Variants in CDH18 observed in about 807,000 individuals in gnomAD.
The protein encoded by CDH18 is cadherin 18, also known as cadherin-18.
CDH18 carries 31 observed loss-of-function variants against 67.9 expected under a neutral mutation model. The observed-to-expected ratio is 0.46, with a 90% CI of 0.34 to 0.62. CDH18 has a LOEUF of 0.62. Ranked by LOEUF, CDH18 falls within the 20% of genes least tolerant of loss-of-function variation. CDH18 has a pLI of 0.01. For missense variants in CDH18, 890 were observed against 975.5 expected (o/e 0.91, Z 1.17); for synonymous variants, 362 against 347.2 (o/e 1.04, Z -0.48).
chr5:19,486,428 G>A (rs187692123), intron 11 of CDH18, among the ~76,000 whole-genome samples: 9 of 151,704 alleles, frequency 5.9e-5, no homozygotes, highest in Non-Finnish European at 1.2e-4. Flanking sequence ...AATAAAATAC[G>A]TCTTGCTGAA....
chr5:20,278,089 G>T (rs1745942269), intron 1 of CDH18, among the ~76,000 whole-genome samples: 1 of 152,030 alleles, frequency 6.6e-6, no homozygotes. Flanking sequence ...GAGAGCCTGG[G>T]TAGAAAGTTT....
At chr5:20,025,604 T>G (rs917459461) in intron 2 of CDH18, among the ~76,000 whole-genome samples, 3 of 152,240 alleles carry the variant, frequency 2.0e-5, no homozygotes, top group Non-Finnish European at 4.4e-5. Flanking sequence ...TTTATTTTTG[T>G]CTTTGGCCAA....
intron 2 of CDH18, among the ~76,000 whole-genome samples, chr5:20,114,807 A>G (rs1199506362): frequency 1.3e-5 from 2 of 152,032 alleles, no homozygotes. Context: ...CCCTCTCTCT[A>G]TATGTGGAGA....
In CDH18 at chr5:20,455,316, T is replaced by C. The variant is rs568222622; in HGVS notation, c.-580+120146A>G. ...GAAAGGGCATGTTCAGATTTATAAT[T>C]TGGAACCATCACTTTGCCCTCAATA... On this transcript the variant is annotated intron_variant, in intron 1 of 14. Coordinates refer to the CDH18 transcript ENST00000507958. Among the ~76,000 whole-genome samples the C allele has an allele frequency of 6.6e-5, 10 of 152,050 alleles. No homozygotes were observed. The South Asian group carries it at 1.5e-3, about 22-fold the overall frequency.
intron 10 of CDH18, among the ~76,000 whole-genome samples, chr5:19,517,318 G>A (rs1170996297): frequency 6.6e-6 from 1 of 151,930 alleles, no homozygotes; most frequent in African/African-American, 2.4e-5. Flanking sequence ...TTTTCAAATT[G>A]GATTTTATCT....
At position 19,755,427 on chromosome 5, in the gene CDH18, G is replaced by GTATACATATATATATA. The variant is rs1373982305; in HGVS notation, c.229-8192_229-8191insTATATATATATGTATA. 2.7e-3 allele frequency among the ~76,000 whole-genome samples: 122 copies of GTATACATATATATATA among 44,660 alleles called. 3 individuals carry two copies. Among genetic ancestry groups the GTATACATATATATATA allele is most frequent in the African/African-American group, 7.5e-3 (118 of 15,674 alleles). 29.3% of individuals were successfully genotyped at this position (44,660 alleles called of 152,430 possible). A position where few individuals can be genotyped will look rare whatever the true frequency, so the allele number is the denominator to read the frequency against. On this transcript the variant is annotated intron_variant, in intron 3 of 12. Coordinates refer to ENST00000382275, the MANE Select transcript of CDH18 (RefSeq NM_004934.5). ...TCTCTAGAGGGACAGAACTAACAGG[G>GTATACATATATATATA]TATGTATATATATATATATATATAT...
At chr5:19,967,705 C>CAA (rs1185644040) in intron 2 of CDH18, among the ~76,000 whole-genome samples, 5 of 152,102 alleles carry the variant, frequency 3.3e-5, no homozygotes, top group African/African-American at 1.2e-4. Flanking sequence ...ATAATAAGAG[C>CAA]TATCTATGAC....
In CDH18 at chr5:19,839,110, C is replaced by T. The variant is rs1185766815; in HGVS notation, c.-124G>A. 104 of 693,404 alleles carry T rather than the reference C, an allele frequency of 1.5e-4. No individual in the cohort carries two copies. Among genetic ancestry groups the T allele is most frequent in the East Asian group, 1.1e-4 (4 of 36,912 alleles). The allele number at this position is 693,404 out of a possible 1,614,324, so 43.0% of individuals were successfully genotyped here. A position where few individuals can be genotyped will look rare whatever the true frequency, so the allele number is the denominator to read the frequency against. On this transcript the variant is annotated 5_prime_UTR_variant, in exon 3 of 13. Transcript: ENST00000382275. ...GGACAGTCCAAAGTAAATTGTTTAG[C>T]GTGTCCATGATTTAACTGTCCATCA...
intron 1 of CDH18, among the ~76,000 whole-genome samples, chr5:20,284,508 T>C (rs985832517): frequency 6.6e-6 from 1 of 152,002 alleles, no homozygotes; most frequent in Non-Finnish European, 1.5e-5. Context: ...GTGAGTTATT[T>C]TTTCCCACCG....
At chr5:19,990,545 T>A (rs1799922878), upstream of CDH18, among the ~76,000 whole-genome samples, 1 of 152,208 alleles carries the variant, frequency 6.6e-6, no homozygotes, top group Non-Finnish European at 1.5e-5. Flanking sequence ...AATCCATTTC[T>A]AGAGAAAGAA....
intron 1 of CDH18, among the ~76,000 whole-genome samples, chr5:20,539,214 T>C (rs1403389715): frequency 6.6e-6 from 1 of 152,124 alleles, no homozygotes. Flanking sequence ...ATCAGTGTCC[T>C]ATGTCACAGG....
chr5:19,624,304 C>T (rs533478495), intron 5 of CDH18, among the ~76,000 whole-genome samples: 6 of 152,108 alleles, frequency 3.9e-5, no homozygotes, highest in Non-Finnish European at 7.4e-5. Flanking sequence ...ACCACCCTGG[C>T]TGCCATACTC....
At chr5:19,791,228 G>A (rs921153487) in intron 3 of CDH18, among the ~76,000 whole-genome samples, 4 of 151,916 alleles carry the variant, frequency 2.6e-5, no homozygotes, top group Non-Finnish European at 5.9e-5. Flanking sequence ...AATGAGAGTG[G>A]CAGTGCGTGT....
chr5:20,315,180 C>T (rs1737352475), intron 1 of CDH18, among the ~76,000 whole-genome samples: 1 of 152,072 alleles, frequency 6.6e-6, no homozygotes, highest in Admixed American at 6.6e-5. Flanking sequence ...TACCCAATTT[C>T]TCAAGCAAAG....
intron 7 of CDH18, among the ~76,000 whole-genome samples, chr5:19,573,482 G>T (rs998014518): frequency 6.6e-6 from 1 of 152,090 alleles, no homozygotes; most frequent in African/African-American, 2.4e-5. Flanking sequence ...GTTTCACCGT[G>T]TTAGCCAGGA....
At chr5:19,864,188 C>T in intron 2 of CDH18, among the ~76,000 whole-genome samples, 1 of 150,154 alleles carries the variant, frequency 6.7e-6, no homozygotes. Flanking sequence ...CCATGGAATA[C>T]TATGCAGCCA....
chr5:20,539,974 A>G (rs1756963278), intron 1 of CDH18, among the ~76,000 whole-genome samples: 1 of 152,134 alleles, frequency 6.6e-6, no homozygotes, highest in Admixed American at 6.6e-5. Flanking sequence ...AAACTGTCCA[A>G]ATATGTATTT....
intron 11 of CDH18, 28 bp from the exon 12 acceptor site, chr5:19,483,580 A>T (rs1170216898): frequency 6.4e-7 from 1 of 1,555,434 alleles, no homozygotes; most frequent in Non-Finnish European, 8.7e-7. Context: ...AAAACAAAAT[A>T]CACTTAGTCA....
chr5:19,886,959 A>G (rs1579434498), intron 2 of CDH18, among the ~76,000 whole-genome samples: 2 of 152,238 alleles, frequency 1.3e-5, no homozygotes, highest in East Asian at 3.9e-4. Context: ...ATTATTGCAT[A>G]TGACAAATTA....
Sources: allele counts gnomAD v4.1 joint callset (sites outside exome capture counted in the v4.1 genomes callset), GRCh38; gene constraint gnomAD v4.1.1; transcripts MANE v1.5; gene names NCBI Gene and HGNC (gene_info 2026-07-23, HGNC 2026-07-21).